The following ST8SIA6 variants were observed in gnomAD, a reference collection of about 807,000 sequenced individuals.
ST8SIA6 encodes ST8 alpha-N-acetyl-neuraminide alpha-2,8-sialyltransferase 6.
In ST8SIA6, 39 loss-of-function variants were observed where a neutral mutation model predicts 33.6. The ratio of observed to expected loss-of-function variants is 1.16; its 90% CI spans 0.90 to 1.52. ST8SIA6 has a LOEUF of 1.52. Ranked by LOEUF, ST8SIA6 falls within the 40% of genes most tolerant of loss-of-function variation. The pLI is 0.00. For missense variants in ST8SIA6, 441 were observed against 443.8 expected, an observed-to-expected ratio of 0.99 and a Z score of 0.06; for synonymous variants, 172 against 167.2, an observed-to-expected ratio of 1.03 and a Z score of -0.22.
intron 2 of ST8SIA6, among the ~76,000 whole-genome samples, chr10:17,424,930 TC>T (rs1851888381): frequency 6.6e-6 from 1 of 151,868 alleles, no homozygotes; most frequent in African/African-American, 2.4e-5. Flanking sequence ...AGACGGGGTT[TC>T]TCCATGTTGG....
intron 2 of ST8SIA6, among the ~76,000 whole-genome samples, chr10:17,423,517 T>C (rs1851842921): frequency 6.6e-6 from 1 of 152,222 alleles, no homozygotes; most frequent in African/African-American, 2.4e-5. Flanking sequence ...AAATATACTT[T>C]TTAATAAATT....
chr10:17,328,779 C>T (rs1266862072), intron 5 of ST8SIA6, among the ~76,000 whole-genome samples: 1 of 152,170 alleles, frequency 6.6e-6, no homozygotes, highest in Non-Finnish European at 1.5e-5. Flanking sequence ...AAACCGGTAT[C>T]ACGGGAATTA....
At chr10:17,367,772 G>A (rs1440581228) in intron 3 of ST8SIA6, among the ~76,000 whole-genome samples, 1 of 152,156 alleles carries the variant, frequency 6.6e-6, no homozygotes, top group Non-Finnish European at 1.5e-5. Flanking sequence ...ATAAATTGCA[G>A]AGTCTGATAA....
chr10:17,444,388 T>C (rs1003409246), intron 2 of ST8SIA6, among the ~76,000 whole-genome samples: 2 of 152,164 alleles, frequency 1.3e-5, no homozygotes, highest in Non-Finnish European at 2.9e-5. Context: ...AAGTAAGTAG[T>C]AGAGTTATAT....
At chr10:17,324,563 G>C (rs991538281) in intron 6 of ST8SIA6, among the ~76,000 whole-genome samples, 8 of 151,690 alleles carry the variant, frequency 5.3e-5, no homozygotes, top group African/African-American at 1.9e-4. Flanking sequence ...ATAGGGAAGG[G>C]TATTTTATAG....
chr10:17,442,337 T>C (rs1852529375), intron 2 of ST8SIA6, among the ~76,000 whole-genome samples: 1 of 152,326 alleles, frequency 6.6e-6, no homozygotes, highest in African/African-American at 2.4e-5. Flanking sequence ...TACTCACATA[T>C]GTGAGTAGTG....
At chr10:17,432,030 G>A (rs1852117936) in intron 2 of ST8SIA6, among the ~76,000 whole-genome samples, 1 of 151,750 alleles carries the variant, frequency 6.6e-6, no homozygotes, top group South Asian at 2.1e-4. Context: ...CCGGAAGCAA[G>A]AAGTAGACTA....
At chr10:17,387,454 G>A (rs370546208) in intron 3 of ST8SIA6, among the ~76,000 whole-genome samples, 1 of 137,688 alleles carries the variant, frequency 7.3e-6, no homozygotes, top group Non-Finnish European at 1.6e-5. Flanking sequence ...GGGCGGGGGG[G>A]GGGGGGTTCT....
chr10:17,395,036 G>A (rs1016932434), intron 2 of ST8SIA6, among the ~76,000 whole-genome samples: 6 of 152,120 alleles, frequency 3.9e-5, no homozygotes, highest in African/African-American at 7.2e-5. Context: ...CAATTCCCAC[G>A]TGTTGTGGGA....
intron 5 of ST8SIA6, among the ~76,000 whole-genome samples, chr10:17,331,164 C>T (rs377088073): frequency 1.4e-4 from 22 of 152,026 alleles, no homozygotes; most frequent in African/African-American, 4.1e-4. Flanking sequence ...TCATCTCATT[C>T]GAAGAAGAGT....
intron 3 of ST8SIA6, among the ~76,000 whole-genome samples, chr10:17,385,899 C>G (rs1850325141): frequency 6.6e-6 from 1 of 152,170 alleles, no homozygotes; most frequent in Non-Finnish European, 1.5e-5. Context: ...TGAGACCTGT[C>G]TCAGATTTTC....
At chr10:17,345,591 G>A (rs547219598) in intron 4 of ST8SIA6, among the ~76,000 whole-genome samples, 2 of 152,258 alleles carry the variant, frequency 1.3e-5, no homozygotes, top group East Asian at 1.9e-4. Flanking sequence ...AGCATAGAAT[G>A]TGCAAAATTC....
At chr10:17,402,174 A>C (rs1191817104) in intron 2 of ST8SIA6, among the ~76,000 whole-genome samples, 1 of 152,236 alleles carries the variant, frequency 6.6e-6, no homozygotes, top group Non-Finnish European at 1.5e-5. Context: ...AGACACATGA[A>C]AAAATGCTCA....
At chr10:17,396,899 G>A (rs1032418507) in intron 2 of ST8SIA6, among the ~76,000 whole-genome samples, 1 of 152,110 alleles carries the variant, frequency 6.6e-6, no homozygotes, top group African/African-American at 2.4e-5. Flanking sequence ...GACCCCTGAG[G>A]GTATTTGAAC....
At chr10:17,326,837 T>C (rs1270434463) in intron 6 of ST8SIA6, among the ~76,000 whole-genome samples, 177 bp downstream of exon 6, 1 of 152,190 alleles carries the variant, frequency 6.6e-6, no homozygotes, top group Admixed American at 6.6e-5. Flanking sequence ...CTTCTGGTAT[T>C]GACATTCTGA....
intron 2 of ST8SIA6, among the ~76,000 whole-genome samples, chr10:17,420,228 C>T (rs967249276): frequency 1.3e-5 from 2 of 152,128 alleles, no homozygotes; most frequent in East Asian, 1.9e-4. Context: ...CCTGGCTACA[C>T]GGGGAAACCC....
In ST8SIA6 at chr10:17,380,121, G is replaced by A. The variant is rs186185730; in HGVS notation, c.290+10410C>T. Among the ~76,000 whole-genome samples, 942 of 152,274 alleles carry A rather than the reference G, an allele frequency of 6.2e-3. 4 individuals are homozygous for A. The highest frequency in any genetic ancestry group is 0.011 in the Non-Finnish European group (743 of 68,024). ...GACTTTACTTGCTTCCAACAGGAAG[G>A]CAAGTTTTCCTGCTTCCATGTCGAT... On this transcript the variant is annotated intron_variant, in intron 3 of 7. Coordinates refer to ENST00000377602, the MANE Select transcript of ST8SIA6 (RefSeq NM_001004470.3).
rs918211996 is a variant in ST8SIA6, at chr10:17,446,779, A to T, written c.200+6780T>A. On this transcript the variant is annotated intron_variant, in intron 2 of 7. Coordinates refer to ENST00000377602, the MANE Select transcript of ST8SIA6 (RefSeq NM_001004470.3). ...AAGCTTTAAGAATAAAAAGAAAAAA[A>T]GGGCTGGGAGCGGTGGCTCATGCCT... is the stretch of plus-strand genomic sequence containing the variant. Among the ~76,000 whole-genome samples, 8 of 152,148 alleles carry T rather than the reference A, an allele frequency of 5.3e-5. No individual in the cohort carries two copies. In the East Asian group the frequency reaches 1.5e-3, roughly 29 times the overall value.
intron 4 of ST8SIA6, among the ~76,000 whole-genome samples, chr10:17,355,281 A>G (rs1416636745): frequency 3.3e-5 from 5 of 152,168 alleles, no homozygotes; most frequent in Non-Finnish European, 7.4e-5. Flanking sequence ...TTCTCAATCC[A>G]ATTTCTCTTT....
Sources: gnomAD v4.1 joint callset for allele counts (sites outside exome capture counted in the v4.1 genomes callset) on GRCh38, gnomAD v4.1.1 for gene constraint, MANE v1.5 for transcripts, NCBI Gene and HGNC (gene_info 2026-07-23, HGNC 2026-07-21) for gene names.